FUT8: variants seen among roughly 807,000 people sequenced by gnomAD.
FUT8 encodes alpha-(1,6)-fucosyltransferase.
In FUT8, 29 loss-of-function variants were observed where a neutral mutation model predicts 71.3. The observed-to-expected ratio is 0.41, with a 90% CI of 0.30 to 0.55. FUT8 has a LOEUF of 0.55. Ranked by LOEUF, FUT8 falls within the 20% of genes least tolerant of loss-of-function variation. The pLI, the probability that FUT8 is intolerant of heterozygous loss-of-function variation, is 0.34. For missense variants in FUT8, 544 were observed against 702.1 expected (o/e 0.77, Z 2.55); for synonymous variants, 254 against 239.3 (o/e 1.06, Z -0.57).
chr14:65,377,281 G>T, the FUT8 span, among the ~76,000 whole-genome samples: 1 of 152,216 alleles, frequency 6.6e-6, no homozygotes, highest in East Asian at 1.9e-4. Flanking sequence ...TGGAGAGTTT[G>T]GTCACCAGGT....
chr14:65,483,699 T>C lies in FUT8; in HGVS notation c.-228+27981T>C, dbSNP rs1462985156. Among the ~76,000 whole-genome samples, 1 of 152,114 alleles carries C rather than the reference T, an allele frequency of 6.6e-6. No homozygotes were observed. Among genetic ancestry groups the C allele is most frequent in the East Asian group, 1.9e-4 (1 of 5,202 alleles). On this transcript the variant is annotated intron_variant, in intron 2 of 10. Coordinates refer to ENST00000673929, the MANE Select transcript of FUT8 (RefSeq NM_001371533.1). The surrounding 1 kb of genome is among the most constrained non-coding windows in gnomAD (Gnocchi z 4.4). Reference sequence around the variant, plus strand: ...TATTTTATATTTTTTGATGCTTTTATAAATATTTAAATAACATATCAATTT... The same window carrying C: ...TATTTTATATTTTTTGATGCTTTTACAAATATTTAAATAACATATCAATTT...
intron 3 of FUT8, among the ~76,000 whole-genome samples, chr14:65,611,476 T>C (rs1888995240): frequency 6.6e-6 from 1 of 152,108 alleles, no homozygotes; most frequent in Non-Finnish European, 1.5e-5. Context: ...ATCGTCTCTC[T>C]GATCTTTATT....
chr14:65,624,013 A>G (rs774536053), intron 5 of FUT8, among the ~76,000 whole-genome samples: 10 of 152,214 alleles, frequency 6.6e-5, no homozygotes, highest in Non-Finnish European at 1.5e-4. Flanking sequence ...GTTTTGAGTC[A>G]CTATGGTTCC....
At chr14:65,452,105 A>C (rs1208060346) in intron 1 of FUT8, among the ~76,000 whole-genome samples, 1 of 152,174 alleles carries the variant, frequency 6.6e-6, no homozygotes, top group African/African-American at 2.4e-5. Context: ...TTTTGTTTTC[A>C]TATGAGTTCC....
intron 3 of FUT8, among the ~76,000 whole-genome samples, chr14:65,586,056 A>G (rs1887362181): frequency 6.6e-6 from 1 of 152,196 alleles, no homozygotes; most frequent in Non-Finnish European, 1.5e-5. Context: ...GAGAATAGAA[A>G]ATATGGAAGA....
At position 65,561,385 on chromosome 14, in the gene FUT8, A is replaced by T; in HGVS notation, c.-179A>T. The T allele has an allele frequency of 3.2e-6, 2 of 619,120 alleles. No homozygotes were observed. Among genetic ancestry groups the T allele is most frequent in the Non-Finnish European group, 2.9e-6 (1 of 348,520 alleles). The allele number at this position is 619,120 out of a possible 1,614,324, so 38.4% of individuals were successfully genotyped here. A position where few individuals can be genotyped will look rare whatever the true frequency, so the allele number is the denominator to read the frequency against. On this transcript the variant is annotated 5_prime_UTR_variant, in exon 3 of 11. Transcript: ENST00000673929. Reference sequence around the variant, plus strand: ...GACAATAAAGCTTCCTACACATATCACCAGGAGGATCTCTTTGAAAGATTC... The same window carrying T: ...GACAATAAAGCTTCCTACACATATCTCCAGGAGGATCTCTTTGAAAGATTC...
chr14:65,426,025 A>G (rs1026352056), intron 1 of FUT8, among the ~76,000 whole-genome samples: 1 of 152,028 alleles, frequency 6.6e-6, no homozygotes, highest in Non-Finnish European at 1.5e-5. Flanking sequence ...TGTACAATAA[A>G]TATTATTAAC....
chr14:65,385,763 A>G, the FUT8 span, among the ~76,000 whole-genome samples: 17 of 152,076 alleles, frequency 1.1e-4, no homozygotes, highest in Non-Finnish European at 1.3e-4. Flanking sequence ...GCTGGTCTCA[A>G]ACTCCTGGGC....
At chr14:65,523,400 C>T (rs529443782) in intron 2 of FUT8, among the ~76,000 whole-genome samples, 439 of 151,136 alleles carry the variant, frequency 2.9e-3, no homozygotes, top group Middle Eastern at 0.027. Context: ...TCATATCCTT[C>T]GCCCATTTTT....
At chr14:65,707,426 A>G (rs1029264855) in intron 7 of FUT8, among the ~76,000 whole-genome samples, 2 of 150,946 alleles carry the variant, frequency 1.3e-5, no homozygotes, top group African/African-American at 4.9e-5. Context: ...ATGGCTTGCA[A>G]TTTTTTTTTC....
intron 7 of FUT8, among the ~76,000 whole-genome samples, chr14:65,692,466 C>A (rs1594902838): frequency 1.1e-5 from 1 of 92,452 alleles, no homozygotes; most frequent in African/African-American, 4.3e-5. Flanking sequence ...CTGACCCCCC[C>A]ACCTCCCTCC....
intron 2 of FUT8, among the ~76,000 whole-genome samples, chr14:65,519,628 A>G (rs981683470): frequency 1.3e-5 from 2 of 152,188 alleles, no homozygotes; most frequent in African/African-American, 4.8e-5. Context: ...TATTCTATCT[A>G]TAAATAGTGT....
intron 1 of FUT8, among the ~76,000 whole-genome samples, chr14:65,420,567 T>C (rs886647627): frequency 9.2e-5 from 14 of 151,994 alleles, no homozygotes; most frequent in African/African-American, 3.4e-4. Context: ...GTTTGCTGTT[T>C]CTGCTTGTAA....
intron 2 of FUT8, among the ~76,000 whole-genome samples, chr14:65,504,829 T>G (rs2066701452): frequency 1.3e-5 from 2 of 152,066 alleles, no homozygotes; most frequent in African/African-American, 4.8e-5. Flanking sequence ...GCTGGGATTA[T>G]AGGTGTGAGC....
chr14:65,476,340 G>C (rs2066238895), intron 2 of FUT8, among the ~76,000 whole-genome samples: 1 of 152,146 alleles, frequency 6.6e-6, no homozygotes, highest in African/African-American at 2.4e-5. Flanking sequence ...TCCTAGCATT[G>C]TGCAATGACA....
the FUT8 span, among the ~76,000 whole-genome samples, chr14:65,402,435 G>A: frequency 2.3e-3 from 346 of 152,020 alleles, 1 homozygote; most frequent in Non-Finnish European, 3.7e-3. Flanking sequence ...TTGGGAGGCC[G>A]AGGCGGGTGG....
chr14:65,630,000 G>A (rs1021556267), intron 6 of FUT8, among the ~76,000 whole-genome samples: 4 of 152,162 alleles, frequency 2.6e-5, no homozygotes, highest in Non-Finnish European at 5.9e-5. Context: ...AGTTAAATAG[G>A]ATTTGGACAC....
chr14:65,688,181 T>G (rs1893393591), intron 7 of FUT8, among the ~76,000 whole-genome samples: 1 of 152,206 alleles, frequency 6.6e-6, no homozygotes, highest in Admixed American at 6.5e-5. Context: ...ATGTCATTTA[T>G]TCACTGTAGC....
At chr14:65,368,351 T>G in the FUT8 span, among the ~76,000 whole-genome samples, 2 of 126,016 alleles carry the variant, frequency 1.6e-5, 1 homozygote, top group Non-Finnish European at 3.4e-5. Flanking sequence ...CCTTTTTTTT[T>G]TTTTTTGGGA....
Sources: allele counts gnomAD v4.1 joint callset (sites outside exome capture counted in the v4.1 genomes callset), GRCh38; gene constraint gnomAD v4.1.1; non-coding constraint Gnocchi (gnomAD v3.1); transcripts MANE v1.5; gene names NCBI Gene and HGNC (gene_info 2026-07-23, HGNC 2026-07-21).